Variants in BAAT observed in about 807,000 individuals in gnomAD.
BAAT encodes bile acid CoA: amino acid N-acyltransferase (glycine N-choloyltransferase).
A neutral mutation model predicts 18.9 loss-of-function variants in BAAT; 13 were observed. The observed-to-expected ratio is 0.69, with a 90% CI of 0.45 to 1.10. The LOEUF (loss-of-function observed/expected upper bound fraction) is 1.10, where lower values mean the gene tolerates loss of function less well. Ranked by LOEUF, BAAT falls within the 50% of genes least tolerant of loss-of-function variation. The probability of loss-of-function intolerance (pLI) is 0.00; values close to 1 mark genes in which losing one functional copy is unlikely to be tolerated. For synonymous variants in BAAT, 170 were observed against 190.7 expected (o/e 0.89, Z 0.89); for missense variants, 489 against 504.0 (o/e 0.97, Z 0.28).
intron 3 of BAAT, among the ~76,000 whole-genome samples, chr9:101,364,166 G>T (rs1288038084): frequency 6.6e-6 from 1 of 152,100 alleles, no homozygotes; most frequent in Non-Finnish European, 1.5e-5. Context: ...CAGCCCCAAG[G>T]GATAAATTCT....
chr9:101,368,128 G>A lies in BAAT; in HGVS notation c.661C>T (p.His221Tyr). The A allele has an allele frequency of 6.2e-7, 1 of 1,613,686 alleles. No homozygotes were observed. The highest frequency in any genetic ancestry group is 8.5e-7 in the Non-Finnish European group (1 of 1,179,578). ...GAAAAGACAAAAATTACCTTTGGAT[G>A]TCTCAGGAGAAAGTTGGCAGCCTCC... ...FEEAANFLLR[H>Y]PKVFGSGVGV... The change falls in exon 3 of 4, where the codon CAT becomes TAT. Residue 221 changes from histidine (H) to tyrosine (Y), a missense_variant. Physicochemically the swap from His to Tyr is moderately conservative, Grantham distance 83. Coordinates refer to ENST00000259407, the MANE Select transcript of BAAT (RefSeq NM_001701.4).
rs1829865259 is a variant in BAAT at position 101,368,173 on chromosome 9, T to C, written c.616A>G (p.Thr206Ala). 1 of 1,614,048 alleles carries C rather than the reference T, an allele frequency of 6.2e-7. No homozygotes were observed. Among genetic ancestry groups the C allele is most frequent in the Non-Finnish European group, 8.5e-7 (1 of 1,180,024 alleles). The change falls in exon 3 of 4, where the codon ACA becomes GCA. Residue 206 changes from threonine (T) to alanine (A), a missense_variant. Thr to Ala is a moderately conservative substitution (Grantham distance 58, BLOSUM62 0). Coordinates refer to ENST00000259407, the MANE Select transcript of BAAT (RefSeq NM_001701.4). ...YEDLPRKPEV[T>A]DLEYFEEAAN... is the part of the protein sequence containing the mutation. Reference sequence around the variant, plus strand: ...GCCTCCTCAAAATATTCCAAATCTGTTACTTCTGGTTTGCGGGGCAGGTCT... The same window carrying C: ...GCCTCCTCAAAATATTCCAAATCTGCTACTTCTGGTTTGCGGGGCAGGTCT...
At chr9:101,381,845 C>T (rs970716861) in intron 1 of BAAT, among the ~76,000 whole-genome samples, 9 of 152,020 alleles carry the variant, frequency 5.9e-5, no homozygotes, top group Non-Finnish European at 1.0e-4. Flanking sequence ...CTATAGCTTC[C>T]AAGTACCGTA....
intron 1 of BAAT, among the ~76,000 whole-genome samples, chr9:101,371,973 G>C (rs1382715604): frequency 6.6e-6 from 1 of 152,102 alleles, no homozygotes; most frequent in Non-Finnish European, 1.5e-5. Context: ...ATACTATACA[G>C]CCATGAAAAA....
intron 1 of BAAT, among the ~76,000 whole-genome samples, chr9:101,374,980 C>A (rs183227239): frequency 4.6e-5 from 7 of 152,298 alleles, no homozygotes; most frequent in African/African-American, 1.7e-4. Flanking sequence ...GATATGGGAT[C>A]TATCCCATGA....
chr9:101,382,741 C>T (rs565839104), intron 1 of BAAT, among the ~76,000 whole-genome samples: 50 of 152,170 alleles, frequency 3.3e-4, no homozygotes, highest in Non-Finnish European at 6.5e-4. Context: ...CCACCAGTAA[C>T]TCAGATATTC....
chr9:101,367,030 T>C (rs1829840378), intron 3 of BAAT, among the ~76,000 whole-genome samples: 1 of 149,418 alleles, frequency 6.7e-6, no homozygotes, highest in South Asian at 2.1e-4. Context: ...GAAAATTGCT[T>C]GAACCTGGGA....
At position 101,371,352 on chromosome 9, in the gene BAAT, T is replaced by G; in HGVS notation, c.53A>C (p.His18Pro). The G allele has an allele frequency of 6.2e-7, 1 of 1,613,700 alleles. No individual in the cohort carries two copies. The highest frequency in any genetic ancestry group is 2.2e-5 in the East Asian group (1 of 44,874). Residue 18 changes from histidine to proline, a missense_variant, in exon 2 of 4, where the codon CAT (histidine) becomes CCT (proline). Transcript: ENST00000259407. Reference protein sequence around the residue: ...PVSALVDEPVHIRATGLIPFQ... With the variant: ...PVSALVDEPVPIRATGLIPFQ... ...GGGAATCAGGCCTGTAGCTCGGATA[T>G]GCACTGGCTCATCAACAAGTGCACT...
chr9:101,371,542 G>A, intron 1 of BAAT, 79 bp from the exon 2 acceptor site: 1 of 866,834 alleles, frequency 1.2e-6, no homozygotes, highest in Non-Finnish European at 1.9e-6. Context: ...TCAGCAGTCA[G>A]ACCACTTAGG....
rs539433580 is a variant in BAAT, at chr9:101,362,888, A to G, written c.797T>C (p.Ile266Thr). The change falls in exon 4 of 4, where the codon ATT (isoleucine) becomes ACT (threonine). Residue 266 changes from isoleucine (I) to threonine (T), a missense_variant. Ile to Thr is a moderately conservative substitution (Grantham distance 89). Coordinates refer to ENST00000259407, the MANE Select transcript of BAAT (RefSeq NM_001701.4). ...GATCTGACCATGATATACCTGTGGA[A>G]TGCCAAAAGGAAAGTTGGTCCCATT... The part of the protein sequence containing the change: ...LINGTNFPFG[I>T]PQVYHGQIHQ... 150 of 1,614,160 alleles carry G rather than the reference A, an allele frequency of 9.3e-5. 1 individual carries two copies. The highest frequency in any genetic ancestry group is 8.7e-4 in the South Asian group (79 of 91,084).
chr9:101,375,617 T>C (rs1221262535), intron 1 of BAAT: 1 of 166,412 alleles, frequency 6.0e-6, no homozygotes, highest in East Asian at 1.7e-4. Context: ...AATTCCTCCG[T>C]TTGTGGTGAA....
Position 101,370,965 on chromosome 9 carries a change from A to G in BAAT, c.440T>C (p.Leu147Pro), listed in dbSNP as rs776238355. Reference protein sequence around the residue: ...VTRIKVREGRLRGALFLPPGE... With the variant: ...VTRIKVREGRPRGALFLPPGE... Reference sequence around the variant, plus strand: ...TGGAGGGAGAAAGAGAGCTCCTCGAAGGCGGCCTTCTCGAACCTTAATTCG... The same window carrying G: ...TGGAGGGAGAAAGAGAGCTCCTCGAGGGCGGCCTTCTCGAACCTTAATTCG... Residue 147 changes from leucine (L) to proline (P), a missense_variant, in exon 2 of 4, where the codon CTT becomes CCT. Transcript: ENST00000259407. 10 of 1,614,136 alleles carry G rather than the reference A, an allele frequency of 6.2e-6. No individual in the cohort carries two copies. The highest frequency in any genetic ancestry group is 8.5e-6 in the Non-Finnish European group (10 of 1,180,014).
Position 101,362,338 on chromosome 9 carries a change from G to A in BAAT, c.*90C>T. 1.5e-6 allele frequency: 2 copies of A among 1,293,898 alleles called. No homozygotes were observed. The highest frequency in any genetic ancestry group is 2.2e-6 in the Non-Finnish European group (2 of 913,526). The allele number at this position is 1,293,898 out of a possible 1,614,324, so 80.2% of individuals were successfully genotyped here. ...AAAATTAATACAAAATGTGTGTGTGGCAGCTGGGGGAGACATTCCGCCATG... is the reference window on the plus strand; with the variant it reads ...AAAATTAATACAAAATGTGTGTGTGACAGCTGGGGGAGACATTCCGCCATG... On this transcript the variant is annotated 3_prime_UTR_variant, in exon 4 of 4. Coordinates refer to ENST00000259407, the MANE Select transcript of BAAT (RefSeq NM_001701.4).
chr9:101,362,886 G>A lies in BAAT; in HGVS notation c.799C>T (p.Pro267Ser). 1.2e-6 allele frequency: 2 copies of A among 1,614,100 alleles called. No homozygotes were observed. Among genetic ancestry groups the A allele is most frequent in the East Asian group, 2.2e-5 (1 of 44,878 alleles). Residue 267 changes from proline to serine, a missense_variant, in exon 4 of 4, where the codon CCA becomes TCA. Pro to Ser is a moderately conservative substitution (Grantham distance 74, BLOSUM62 -1). Coordinates refer to ENST00000259407, the MANE Select transcript of BAAT (RefSeq NM_001701.4). ...TGGATCTGACCATGATATACCTGTG[G>A]AATGCCAAAAGGAAAGTTGGTCCCA... The part of the protein sequence containing the change: ...INGTNFPFGI[P>S]QVYHGQIHQP...
intron 3 of BAAT, among the ~76,000 whole-genome samples, chr9:101,366,175 T>C (rs1829823375): frequency 6.6e-6 from 1 of 151,872 alleles, no homozygotes; most frequent in Non-Finnish European, 1.5e-5. Context: ...AGAGCGACAG[T>C]TATGTTAAGG....
chr9:101,368,298 AT>A lies in BAAT; in HGVS notation c.490del (p.Ile164LeufsTer18). ...PPGEGLFPGVIDLFGGLGGLL... is the reference protein window; with the variant it reads ...PPGEGLFPGVXDLFGGLGGLL... ...CCCACCCAAACCACCAAACAAATCA[AT>A]TACCCCTGGGAAGAGACCCTCTCCT... is the stretch of plus-strand genomic sequence containing the variant. On this transcript the variant is annotated frameshift_variant, in exon 3 of 4. Transcript: ENST00000259407. LOFTEE classifies it high-confidence loss of function. 6.2e-7 allele frequency: 1 copy of A among 1,612,858 alleles called. No homozygotes were observed. Among genetic ancestry groups the A allele is most frequent in the Non-Finnish European group, 8.5e-7 (1 of 1,180,008 alleles).
chr9:101,362,239 T>G lies in BAAT; in HGVS notation c.*189A>C. 1.6e-6 allele frequency: 1 copy of G among 637,164 alleles called. No individual in the cohort carries two copies. Among genetic ancestry groups the G allele is most frequent in the Non-Finnish European group, 2.7e-6 (1 of 368,404 alleles). The allele number at this position is 637,164 out of a possible 1,614,324, so 39.5% of individuals were successfully genotyped here. ...GATTTGTTTTATGATTTATTCACCA[T>G]GTCCAGTTTGGTTAGCTTGTTATGC... On this transcript the variant is annotated 3_prime_UTR_variant, in exon 4 of 4. Transcript: ENST00000259407.
In BAAT at chr9:101,385,001, G is replaced by A. The variant is rs1830183608; in HGVS notation, c.-206C>T. 1.3e-5 allele frequency among the ~76,000 whole-genome samples: 2 copies of A among 152,132 alleles called. No homozygotes were observed. Among genetic ancestry groups the A allele is most frequent in the South Asian group, 4.2e-4 (2 of 4,814 alleles). The stretch of plus-strand genomic sequence containing the variant: ...TGATGTCACATATCAGCAGGACCGT[G>A]AGGCCCCGAGCCACAAAACCAGCAA... On this transcript the variant is annotated 5_prime_UTR_variant, in exon 1 of 4. Coordinates refer to ENST00000259407, the MANE Select transcript of BAAT (RefSeq NM_001701.4).
At chr9:101,375,417 C>G (rs1265497310) in intron 1 of BAAT, 1 of 204,872 alleles carries the variant, frequency 4.9e-6, no homozygotes, top group East Asian at 1.2e-4. Flanking sequence ...GGATCCTAAA[C>G]TTCTCATTCA....
Sources: gnomAD v4.1 joint callset for allele counts (sites outside exome capture counted in the v4.1 genomes callset) on GRCh38, gnomAD v4.1.1 for gene constraint, MANE v1.5 for transcripts, NCBI Gene and HGNC (gene_info 2026-07-23, HGNC 2026-07-21) for gene names.